CCNT2: variants seen among roughly 807,000 people sequenced by gnomAD.
CCNT2 encodes the protein cyclin-T2.
A neutral mutation model predicts 70.0 loss-of-function variants in CCNT2; 18 were observed. The observed-to-expected ratio is 0.26, with a 90% CI of 0.18 to 0.38. CCNT2 has a LOEUF of 0.38. Among genes scored for constraint, CCNT2 ranks in the 10% least tolerant of loss-of-function variants. The pLI, the probability that CCNT2 is intolerant of heterozygous loss-of-function variation, is 1.00. For synonymous variants in CCNT2, 334 were observed against 313.3 expected, an observed-to-expected ratio of 1.07 and a Z score of -0.70; for missense variants, 734 against 890.2, an observed-to-expected ratio of 0.82 and a Z score of 2.23.
At chr2:134,951,037 C>CT (rs539766504) in intron 7 of CCNT2, among the ~76,000 whole-genome samples, 369 of 139,196 alleles carry the variant, frequency 2.7e-3, no homozygotes, top group African/African-American at 6.1e-3. Context: ...GAAAAATAGT[C>CT]TTTTTTTTTT....
rs773730916 is a variant in CCNT2, at chr2:134,954,095, A to G, written c.1640A>G (p.His547Arg). 1.2e-6 allele frequency: 2 copies of G among 1,614,142 alleles called. No homozygotes were observed. Among genetic ancestry groups the G allele is most frequent in the Non-Finnish European group, 1.7e-6 (2 of 1,180,020 alleles). The change falls in exon 9 of 9, where the codon CAT becomes CGT. Residue 547 changes from histidine (H) to arginine (R), a missense_variant. His to Arg is a conservative substitution (Grantham distance 29, BLOSUM62 0). Coordinates refer to ENST00000264157, the MANE Select transcript of CCNT2 (RefSeq NM_058241.3). ...SSDEGSGKSK[H>R]SSPHISRDHK... Reference sequence around the variant, plus strand: ...GATGAAGGCAGTGGGAAGAGCAAACATTCAAGCCCACATATTAGCAGAGAC... The same window carrying G: ...GATGAAGGCAGTGGGAAGAGCAAACGTTCAAGCCCACATATTAGCAGAGAC...
At chr2:134,930,707 A>G (rs1190887317) in intron 2 of CCNT2, among the ~76,000 whole-genome samples, 1 of 151,298 alleles carries the variant, frequency 6.6e-6, no homozygotes, top group Non-Finnish European at 1.5e-5. Flanking sequence ...AGCCATCCTA[A>G]CAGTGTGAAA....
At chr2:134,928,213 T>C (rs1206364040) in intron 2 of CCNT2, among the ~76,000 whole-genome samples, 1 of 151,238 alleles carries the variant, frequency 6.6e-6, no homozygotes, top group Non-Finnish European at 1.5e-5. Flanking sequence ...CCACCTGCAT[T>C]GGCCTCCCAC....
At position 134,954,333 on chromosome 2, in the gene CCNT2, A is replaced by G. The variant is rs1291390242; in HGVS notation, c.1878A>G (p.Ala626=). ...GGAAGAGGCTGCATGTCAATGATGC[A>G]TCTCACAACCACCACTCCAAAATGA... ...SSRKRLHVND[A]SHNHHSKMSK... Residue 626 remains alanine, a synonymous_variant, in exon 9 of 9, where the codon GCA becomes GCG. Coordinates refer to ENST00000264157, the MANE Select transcript of CCNT2 (RefSeq NM_058241.3). The G allele has an allele frequency of 2.5e-6, 4 of 1,614,112 alleles. No homozygotes were observed. In the African/African-American group the frequency reaches 4.0e-5, roughly 16 times the overall value.
At chr2:134,953,158 T>G in intron 8 of CCNT2, 72 bp from the exon 9 acceptor site, 1 of 1,091,834 alleles carries the variant, frequency 9.2e-7, no homozygotes, top group Non-Finnish European at 1.3e-6. Context: ...AATATATAAC[T>G]TTTATAAGAC....
rs571597816 is a variant in CCNT2, at chr2:134,945,804, A to G, written c.494-297A>G. On this transcript the variant is annotated intron_variant, in intron 5 of 8. Coordinates refer to ENST00000264157, the MANE Select transcript of CCNT2 (RefSeq NM_058241.3). ...AAATCCAGGAGAATGCTTTATTGCA[A>G]CTTTTAGCTGACTAGATGCTTAACT... The G allele has an allele frequency of 4.6e-3, 6,437 of 1,401,708 alleles. 24 individuals are homozygous for G. The highest frequency in any genetic ancestry group is 5.8e-3 in the Non-Finnish European group (6,212 of 1,062,762). The allele number at this position is 1,401,708 out of a possible 1,614,324, so 86.8% of individuals were successfully genotyped here. A position where few individuals can be genotyped will look rare whatever the true frequency, so the allele number is the denominator to read the frequency against.
intron 3 of CCNT2, among the ~76,000 whole-genome samples, chr2:134,938,143 A>C (rs1363767028): frequency 6.6e-6 from 1 of 152,196 alleles, no homozygotes; most frequent in Non-Finnish European, 1.5e-5. Context: ...TAATTCCTAC[A>C]GTTTATATTA....
chr2:134,937,452 T>G (rs1411226435), intron 3 of CCNT2, among the ~76,000 whole-genome samples: 3 of 152,240 alleles, frequency 2.0e-5, no homozygotes, highest in Non-Finnish European at 4.4e-5. Flanking sequence ...GCATTTTATT[T>G]TGCTTTCATG....
rs1682961693 is a variant in CCNT2 at position 134,956,894 on chromosome 2, T to G, written c.*2246T>G. The G allele has an allele frequency of 6.6e-6, 1 of 152,618 alleles. No individual in the cohort carries two copies. The highest frequency in any genetic ancestry group is 1.5e-5 in the Non-Finnish European group (1 of 68,000). The allele number at this position is 152,618 out of a possible 1,614,324, so 9.5% of individuals were successfully genotyped here. ...AAAAGATAGCTAGTGTATATTGTTA[T>G]GGGTCAGTACTTATTAGTACTTCCA... On this transcript the variant is annotated 3_prime_UTR_variant, in exon 9 of 9. Transcript: ENST00000264157.
chr2:134,931,441 C>G (rs1680764395), intron 2 of CCNT2, among the ~76,000 whole-genome samples: 1 of 151,558 alleles, frequency 6.6e-6, no homozygotes, highest in Non-Finnish European at 1.5e-5. Flanking sequence ...TTATGCAGAC[C>G]ACATAGTCTT....
intron 2 of CCNT2, among the ~76,000 whole-genome samples, chr2:134,920,617 ACG>A (rs1679828621): frequency 6.6e-6 from 1 of 152,238 alleles, no homozygotes; most frequent in Non-Finnish European, 1.5e-5. Context: ...GTTGAGTAAC[ACG>A]CATACTGTGT....
At chr2:134,932,549 AT>A (rs35802107) in intron 2 of CCNT2, among the ~76,000 whole-genome samples, 1 of 151,998 alleles carries the variant, frequency 6.6e-6, no homozygotes, top group African/African-American at 2.4e-5. Context: ...CAGCTTGAAG[AT>A]TTTTTTTAAT....
chr2:134,929,269 G>A (rs996457613), intron 2 of CCNT2, among the ~76,000 whole-genome samples: 1 of 151,912 alleles, frequency 6.6e-6, no homozygotes, highest in South Asian at 2.1e-4. Flanking sequence ...TTAGGCTTTC[G>A]GTTTCCTTGA....
chr2:134,935,282 T>C (rs1681064852), intron 2 of CCNT2, among the ~76,000 whole-genome samples: 1 of 152,232 alleles, frequency 6.6e-6, no homozygotes, highest in African/African-American at 2.4e-5. Context: ...TTCTAGTTCT[T>C]GGGAGCCAAA....
chr2:134,941,656 A>T (rs1343862812), intron 4 of CCNT2, among the ~76,000 whole-genome samples: 1 of 152,238 alleles, frequency 6.6e-6, no homozygotes, highest in African/African-American at 2.4e-5. Context: ...GTTTTACTAT[A>T]CAAAATTATA....
intron 2 of CCNT2, among the ~76,000 whole-genome samples, chr2:134,932,169 A>G (rs573833721): frequency 7.5e-6 from 1 of 132,840 alleles, no homozygotes; most frequent in South Asian, 2.5e-4. Flanking sequence ...GTATTTTAGT[A>G]GAGACGGGGT....
intron 2 of CCNT2, among the ~76,000 whole-genome samples, chr2:134,925,559 T>C (rs1680231555): frequency 6.6e-6 from 1 of 152,172 alleles, no homozygotes; most frequent in Non-Finnish European, 1.5e-5. Context: ...ACTTACCGTG[T>C]TTTCAAGGCT....
Position 134,950,839 on chromosome 2 carries a change from GA to G in CCNT2, c.704-1801del, listed in dbSNP as rs1400911090. 5.9e-5 allele frequency among the ~76,000 whole-genome samples: 9 copies of G among 152,246 alleles called. No individual in the cohort carries two copies. In the East Asian group the frequency reaches 1.7e-3, roughly 29 times the overall value. On this transcript the variant is annotated intron_variant, in intron 7 of 8. Coordinates refer to ENST00000264157, the MANE Select transcript of CCNT2 (RefSeq NM_058241.3). ...ATATAGCTAATTAATTATGTTAATG[GA>G]TTATTTAACAGATTCTTTTGTTGTT...
chr2:134,931,769 C>CT (rs1008275876), intron 2 of CCNT2, among the ~76,000 whole-genome samples: 10 of 151,800 alleles, frequency 6.6e-5, no homozygotes, highest in African/African-American at 2.4e-4. Flanking sequence ...ATTTTTTGTC[C>CT]TTTTGGTTTT....
Sources: gnomAD v4.1 joint callset for allele counts (sites outside exome capture counted in the v4.1 genomes callset) on GRCh38, gnomAD v4.1.1 for gene constraint, MANE v1.5 for transcripts, NCBI Gene and HGNC (gene_info 2026-07-23, HGNC 2026-07-21) for gene names.